The following PCDHA5 variants were observed in gnomAD, a reference collection of about 807,000 sequenced individuals.
The protein encoded by PCDHA5 is protocadherin alpha 5.
In PCDHA5, 43 loss-of-function variants were observed where a neutral mutation model predicts 61.6. The observed-to-expected ratio is 0.70, with a 90% CI of 0.55 to 0.90. PCDHA5 has a LOEUF of 0.90. Ranked by LOEUF, PCDHA5 falls within the 40% of genes least tolerant of loss-of-function variation. The probability of loss-of-function intolerance (pLI) is 0.00; values close to 1 mark genes in which losing one functional copy is unlikely to be tolerated. For synonymous variants in PCDHA5, 627 were observed against 543.9 expected (o/e 1.15, Z -2.13); for missense variants, 1,298 against 1,222.7 (o/e 1.06, Z -0.92).
rs2150454845 is a variant in PCDHA5, at chr5:140,849,865, A to G, written c.2352+25738A>G. On this transcript the variant is annotated intron_variant, in intron 1 of 3. Coordinates refer to ENST00000529859, the MANE Select transcript of PCDHA5 (RefSeq NM_018908.3). ...AACGACAACGCACCAGCGTTCGCGC[A>G]GTCCGAGTACACGGTGTTCGTGAAG... The G allele has an allele frequency of 3.1e-6, 5 of 1,598,572 alleles. 1 individual carries two copies. The Admixed American group carries it at 8.4e-5, about 27-fold the overall frequency.
rs185620917 is a variant in PCDHA5 at position 140,854,335 on chromosome 5, G to A, written c.2352+30208G>A. The A allele has an allele frequency of 1.5e-4, 29 of 191,248 alleles. 1 individual carries two copies. Among genetic ancestry groups the A allele is most frequent in the Non-Finnish European group, 2.6e-4 (27 of 105,250 alleles). The allele number at this position is 191,248 out of a possible 1,614,324, so 11.8% of individuals were successfully genotyped here. ...TTGATCAATGGCAAACTTATTTTACGCTCCAGATAGCTAAAACAAACGTTG... is the reference window on the plus strand; with the variant it reads ...TTGATCAATGGCAAACTTATTTTACACTCCAGATAGCTAAAACAAACGTTG... On this transcript the variant is annotated intron_variant, in intron 1 of 3. Coordinates refer to ENST00000529859, the MANE Select transcript of PCDHA5 (RefSeq NM_018908.3).
chr5:140,999,922 C>T (rs2097883458), intron 3 of PCDHA5, among the ~76,000 whole-genome samples: 1 of 152,154 alleles, frequency 6.6e-6, no homozygotes, highest in Non-Finnish European at 1.5e-5. Context: ...AATCTTCTTC[C>T]AGCTCAACTC....
intron 1 of PCDHA5, among the ~76,000 whole-genome samples, chr5:140,946,634 A>ATAT (rs1554217761): frequency 1.4e-5 from 2 of 147,350 alleles, no homozygotes; most frequent in Non-Finnish European, 3.0e-5. Context: ...ATATATATAC[A>ATAT]ATGGAATACT....
At chr5:140,837,012 C>T in intron 1 of PCDHA5, 1 of 303,606 alleles carries the variant, frequency 3.3e-6, no homozygotes, top group South Asian at 7.9e-5. Context: ...AATGGATTCA[C>T]CTTTCTTCTA....
chr5:140,843,344 G>C lies in PCDHA5; in HGVS notation c.2352+19217G>C, dbSNP rs201264675. ...GGTGTCGCTGGTGGAGAGCGGCCAGGCTCCAAAAGCGTCATCGAGGCAGTC... is the reference window on the plus strand; with the variant it reads ...GGTGTCGCTGGTGGAGAGCGGCCAGCCTCCAAAAGCGTCATCGAGGCAGTC... On this transcript the variant is annotated intron_variant, in intron 1 of 3. Transcript: ENST00000529859. The C allele has an allele frequency of 3.6e-5, 58 of 1,595,962 alleles. 5 individuals carry two copies. Among genetic ancestry groups the C allele is most frequent in the Non-Finnish European group, 4.3e-5 (50 of 1,165,608 alleles).
intron 1 of PCDHA5, among the ~76,000 whole-genome samples, chr5:140,906,668 C>G (rs1554192641): frequency 1.3e-5 from 2 of 152,152 alleles, no homozygotes; most frequent in African/African-American, 4.8e-5. Flanking sequence ...TGTAGTGACC[C>G]AAACCTTCAT....
intron 1 of PCDHA5, among the ~76,000 whole-genome samples, chr5:140,833,662 C>T (rs1772571447): frequency 6.6e-6 from 1 of 152,130 alleles, no homozygotes; most frequent in South Asian, 2.1e-4. Context: ...AATTCTTCCC[C>T]TTCAAAGATT....
chr5:141,009,290 A>G (rs1372878338), intron 3 of PCDHA5, among the ~76,000 whole-genome samples: 1 of 152,118 alleles, frequency 6.6e-6, no homozygotes, highest in Non-Finnish European at 1.5e-5. Context: ...TCCCATTTCT[A>G]TAAAATTTTT....
At chr5:140,841,423 C>A (rs139433967) in intron 1 of PCDHA5, 2 of 1,610,284 alleles carry the variant, frequency 1.2e-6, no homozygotes, top group Admixed American at 3.4e-5. Flanking sequence ...TCCACTACTC[C>A]GTCCCCGAGG....
At chr5:140,836,867 G>T in intron 1 of PCDHA5, 1 of 732,152 alleles carries the variant, frequency 1.4e-6, no homozygotes. Flanking sequence ...TTAATGTTAT[G>T]CTGTATTTGC....
chr5:140,853,671 A>G (rs1314444035), intron 1 of PCDHA5: 5 of 988,246 alleles, frequency 5.1e-6, no homozygotes, highest in East Asian at 1.1e-4. Flanking sequence ...ATTGGGGCCT[A>G]TGGTCAACCT....
rs2150500536 is a variant in PCDHA5, at chr5:140,850,854, G to C, written c.2352+26727G>C. On this transcript the variant is annotated intron_variant, in intron 1 of 3. Transcript: ENST00000529859. ...TTGTGCTGGATCTACAGAGCGAACG[G>C]GAGAACCCTCTGCTTCCTCAGATTC... 60 of 1,595,366 alleles carry C rather than the reference G, an allele frequency of 3.8e-5. 3 individuals carry two copies. In the South Asian group the frequency reaches 6.2e-4, roughly 16 times the overall value.
At chr5:140,830,028 G>T (rs2150179935) in intron 1 of PCDHA5, 1 of 1,613,878 alleles carries the variant, frequency 6.2e-7, no homozygotes. Flanking sequence ...CCGCGCCACC[G>T]GCTGCTGGTG....
intron 3 of PCDHA5, among the ~76,000 whole-genome samples, chr5:140,986,070 A>G (rs1554247713): frequency 6.6e-6 from 1 of 152,126 alleles, no homozygotes; most frequent in African/African-American, 2.4e-5. Flanking sequence ...TTTTAAAGAA[A>G]CTGTTCATTT....
rs560557725 is a variant in PCDHA5, at chr5:141,005,418, G to T, written c.2501-4209G>T. Among the ~76,000 whole-genome samples, 149 of 152,250 alleles carry T rather than the reference G, an allele frequency of 9.8e-4. 1 individual carries two copies. The highest frequency in any genetic ancestry group is 3.5e-3 in the African/African-American group (145 of 41,544). On this transcript the variant is annotated intron_variant, in intron 3 of 3. Transcript: ENST00000529859. ...ACAGACTTGAAGAGTGAGGAGTCAT[G>T]CTAAGAATGGATGAGAGGCTCACGC...
chr5:140,908,967 G>C (rs1039870615), intron 1 of PCDHA5, among the ~76,000 whole-genome samples: 4 of 152,076 alleles, frequency 2.6e-5, no homozygotes, highest in Non-Finnish European at 5.9e-5. Context: ...ATCTTGATAG[G>C]CCCCACTCCA....
intron 3 of PCDHA5, among the ~76,000 whole-genome samples, chr5:141,000,552 C>T (rs2097946627): frequency 1.3e-5 from 2 of 149,102 alleles, no homozygotes; most frequent in Admixed American, 1.3e-4. Context: ...CTCAAACTCC[C>T]GAGTAGCTGG....
At chr5:140,826,384 G>T (rs1040269043) in intron 1 of PCDHA5, among the ~76,000 whole-genome samples, 1 of 152,088 alleles carries the variant, frequency 6.6e-6, no homozygotes, top group Non-Finnish European at 1.5e-5. Context: ...TCAGTGATAA[G>T]AACTACTAAA....
rs78805068 is a variant in PCDHA5, at chr5:140,928,696, C to T, written c.2353-50253C>T. On this transcript the variant is annotated intron_variant, in intron 1 of 3. Transcript: ENST00000529859. ...TGCCTGGCTTTCCTACCACATCTCC[C>T]GGGCGTCTGACTCTAGTCTCTTTAG... The T allele has an allele frequency of 3.2e-3, 5,185 of 1,614,146 alleles. 27 individuals carry two copies. The highest frequency in any genetic ancestry group is 0.019 in the African/African-American group (1,449 of 75,020).
Sources: allele counts gnomAD v4.1 joint callset (sites outside exome capture counted in the v4.1 genomes callset), GRCh38; gene constraint gnomAD v4.1.1; transcripts MANE v1.5; gene names NCBI Gene and HGNC (gene_info 2026-07-23, HGNC 2026-07-21).